CREB3: variants seen among roughly 807,000 people sequenced by gnomAD.
CREB3 encodes the protein cyclic AMP-responsive element-binding protein 3.
In CREB3, 29 loss-of-function variants were observed where a neutral mutation model predicts 34.5. That is an observed-to-expected ratio of 0.84 (90% CI 0.63 to 1.15). The LOEUF is 1.15. Ranked by LOEUF, CREB3 falls within the 50% of genes most tolerant of loss-of-function variation. The pLI is 0.00. For missense variants in CREB3, 447 were observed against 443.4 expected (o/e 1.01, Z -0.07); for synonymous variants, 187 against 173.9 (o/e 1.08, Z -0.59).
rs1018994031 is a variant in CREB3, at chr9:35,736,594, A to T, written c.984A>T (p.Pro328=). 4 of 1,613,994 alleles carry T rather than the reference A, an allele frequency of 2.5e-6. No individual in the cohort carries two copies. The highest frequency in any genetic ancestry group is 1.3e-5 in the African/African-American group (1 of 74,934). ...GTGCAGAGCCTCCCCTGGAGTGGCC[A>T]TTCCCTGACCTCTTCTCAGAGCCTC... ...APSAEPPLEW[P]FPDLFSEPLC... The change falls in exon 9 of 9, where the codon CCA becomes CCT. Residue 328 remains proline (P), a synonymous_variant. Transcript: ENST00000353704.
rs1346081540 is a variant in CREB3 at position 35,732,853 on chromosome 9, C to T, written c.81C>T (p.Pro27=). 1.2e-6 allele frequency: 2 copies of T among 1,614,106 alleles called. No homozygotes were observed. Among genetic ancestry groups the T allele is most frequent in the African/African-American group, 1.3e-5 (1 of 74,938 alleles). The stretch of plus-strand genomic sequence containing the variant: ...AAAGTGGAGATTTGGGGACGGCACC[C>T]GATGAGGCCGTGAGGGCCCCACTGG... ...LEESGDLGTA[P]DEAVRAPLDW... The change falls in exon 1 of 9, where the codon CCC becomes CCT. Residue 27 remains proline (P), a synonymous_variant. Transcript: ENST00000353704. This position sits in a 1 kb window ranked among gnomAD's most constrained non-coding sequence, Gnocchi z 5.1.
chr9:35,736,670 G>T lies in CREB3; in HGVS notation c.1060G>T (p.Gly354Ter), dbSNP rs751805079. Residue 354 changes from glycine to a stop codon, truncating the protein, a stop_gained, in exon 9 of 9, where the codon GGA becomes TGA. Transcript: ENST00000353704. LOFTEE classifies it high-confidence loss of function. ...GCAGGCAAATCTCACAAGGAAGGGA[G>T]GATGGCTTCCTACTGGTAGCCCCTC... is the stretch of plus-strand genomic sequence containing the variant. Reference protein sequence around the residue: ...PLQANLTRKGGWLPTGSPSVI... With the variant: ...PLQANLTRKG 13 of 1,612,812 alleles carry T rather than the reference G, an allele frequency of 8.1e-6. No individual in the cohort carries two copies. In the Admixed American group the frequency reaches 1.8e-4, roughly 23 times the overall value.
At chr9:35,735,052 T>C in intron 4 of CREB3, 57 bp from the exon 5 acceptor site, 1 of 1,445,122 alleles carries the variant, frequency 6.9e-7, no homozygotes, top group Non-Finnish European at 9.5e-7. Context: ...TCAGTTGCGT[T>C]TCAACTCCTT....
rs1470745076 is a variant in CREB3, at chr9:35,736,609, C to G, written c.999C>G (p.Phe333Leu). ...PPLEWPFPDLFSEPLCRGPIL... is the reference protein window; with the variant it reads ...PPLEWPFPDLLSEPLCRGPIL... ...TGGAGTGGCCATTCCCTGACCTCTT[C>G]TCAGAGCCTCTCTGCCGAGGTCCCA... The change falls in exon 9 of 9, where the codon TTC (phenylalanine) becomes TTG (leucine). Residue 333 changes from phenylalanine (F) to leucine (L), a missense_variant. Phe to Leu is a conservative substitution (Grantham distance 22, BLOSUM62 0). Transcript: ENST00000353704. The G allele has an allele frequency of 6.2e-7, 1 of 1,613,898 alleles. No homozygotes were observed. The highest frequency in any genetic ancestry group is 1.3e-5 in the African/African-American group (1 of 74,928).
Position 35,733,463 on chromosome 9 carries a change from C to T in CREB3, c.413C>T (p.Pro138Leu). ...SLLEKEGLIL[P>L]ETLPLTKTEE... ...TTGGAGAAGGAGGGGCTTATTCTGC[C>T]TGAGACACTTCCTCTCACTAAGGTA... is the stretch of plus-strand genomic sequence containing the variant. Residue 138 changes from proline to leucine, a missense_variant, in exon 4 of 9, where the codon CCT (proline) becomes CTT (leucine). By Grantham distance (98) the Pro-to-Leu change is moderately conservative (BLOSUM62 -3). Coordinates refer to ENST00000353704, the MANE Select transcript of CREB3 (RefSeq NM_006368.5). 2 of 1,612,828 alleles carry T rather than the reference C, an allele frequency of 1.2e-6. No individual in the cohort carries two copies. Among genetic ancestry groups the T allele is most frequent in the Non-Finnish European group, 1.7e-6 (2 of 1,178,858 alleles).
Position 35,732,717 on chromosome 9 carries a change from T to C in CREB3, c.-56T>C, listed in dbSNP as rs1160704238. On this transcript the variant is annotated 5_prime_UTR_variant, in exon 1 of 9. Coordinates refer to ENST00000353704, the MANE Select transcript of CREB3 (RefSeq NM_006368.5). This position sits in a 1 kb window ranked among gnomAD's most constrained non-coding sequence, Gnocchi z 5.1. ...AGGCCTACAGCTGGCCTGGGGCTCG[T>C]GTCTGGGCTTCGGACGTTGGGGCCC... is the stretch of plus-strand genomic sequence containing the variant. The C allele has an allele frequency of 6.4e-6, 10 of 1,572,248 alleles. No individual in the cohort carries two copies. The highest frequency in any genetic ancestry group is 2.2e-5 in the East Asian group (1 of 44,722).
chr9:35,732,885 C>T lies in CREB3; in HGVS notation c.113C>T (p.Ala38Val). The T allele has an allele frequency of 6.2e-7, 1 of 1,613,836 alleles. No homozygotes were observed. Residue 38 changes from alanine (A) to valine (V), a missense_variant, in exon 1 of 9, where the codon GCG becomes GTG. Transcript: ENST00000353704. The surrounding 1 kb of genome is among the most constrained non-coding windows in gnomAD (Gnocchi z 5.1). ...GCCGTGAGGGCCCCACTGGACTGGG[C>T]GCTGCCGCTTTCTGAGGTAGGTTGG... is the stretch of plus-strand genomic sequence containing the variant. ...DEAVRAPLDWALPLSEVPSDW... is the reference protein window; with the variant it reads ...DEAVRAPLDWVLPLSEVPSDW...
rs911198300 is a variant in CREB3, at chr9:35,733,079, C to A, written c.213C>A (p.Asn71Lys). ...PASLNILSSS[N>K]PCLVHHDHTY... is the part of the protein sequence containing the mutation. ...CGTTGAACATTCTCAGCTCCTCCAA[C>A]CCCTGCCTTGTCCACCATGACCACA... is the stretch of plus-strand genomic sequence containing the variant. Residue 71 changes from asparagine (N) to lysine (K), a missense_variant, in exon 2 of 9, where the codon AAC becomes AAA. Asn to Lys is a moderately conservative substitution (Grantham distance 94). Transcript: ENST00000353704. The A allele has an allele frequency of 1.9e-6, 3 of 1,614,142 alleles. No homozygotes were observed. Among genetic ancestry groups the A allele is most frequent in the African/African-American group, 2.7e-5 (2 of 74,946 alleles).
Position 35,733,481 on chromosome 9 carries a change from CTAAGG to C in CREB3, c.435+1_435+5del, listed in dbSNP as rs775062889. On this transcript the variant is annotated splice_donor_variant and coding_sequence_variant, in exon 4 of 9. Coordinates refer to ENST00000353704, the MANE Select transcript of CREB3 (RefSeq NM_006368.5). LOFTEE classifies it high-confidence loss of function. ...ATTCTGCCTGAGACACTTCCTCTCA[CTAAGG>C]TAAGACTCTCATTGGTTGAACAAAG... is the stretch of plus-strand genomic sequence containing the variant. 37 of 1,608,798 alleles carry C rather than the reference CTAAGG, an allele frequency of 2.3e-5. No homozygotes were observed. Among genetic ancestry groups the C allele is most frequent in the Non-Finnish European group, 3.4e-6 (4 of 1,175,348 alleles).
Position 35,735,128 on chromosome 9 carries a change from A to T in CREB3, c.455A>T (p.Lys152Ile). 2 of 1,602,078 alleles carry T rather than the reference A, an allele frequency of 1.2e-6. No homozygotes were observed. The highest frequency in any genetic ancestry group is 1.1e-5 in the South Asian group (1 of 87,960). The change falls in exon 5 of 9, where the codon AAA (lysine) becomes ATA (isoleucine). Residue 152 changes from lysine (K) to isoleucine (I), a missense_variant. Transcript: ENST00000353704. The part of the protein sequence containing the change: ...PLTKTEEQIL[K>I]RVRRKIRNKR... ...TTTCAGACAGAGGAACAAATTCTGAAACGTGTGCGGAGGAAGATTCGAAAT... is the reference window on the plus strand; with the variant it reads ...TTTCAGACAGAGGAACAAATTCTGATACGTGTGCGGAGGAAGATTCGAAAT...
Position 35,735,094 on chromosome 9 carries a change from CCT to C in CREB3, c.436-14_436-13del, listed in dbSNP as rs751146394. The C allele has an allele frequency of 3.0e-5, 47 of 1,590,504 alleles. No individual in the cohort carries two copies. In the Admixed American group the frequency reaches 3.8e-4, roughly 13 times the overall value. ...GAGTTCCTCTAATGATATCCCTTTC[CCT>C]GTTTCCTTTCAGACAGAGGAACAAA... On this transcript the variant is annotated splice_polypyrimidine_tract_variant and intron_variant, in intron 4 of 8. Transcript: ENST00000353704.
In CREB3 at chr9:35,736,507, CTG is replaced by C; in HGVS notation, c.901_902del (p.Val301ThrfsTer30). 3.1e-6 allele frequency: 5 copies of C among 1,614,212 alleles called. No homozygotes were observed. Among genetic ancestry groups the C allele is most frequent in the Non-Finnish European group, 4.2e-6 (5 of 1,180,038 alleles). ...STHQWLDGSD[C>X]VLQAPGNTSC... ...CACACCAGTGGTTGGACGGCTCAGA[CTG>C]TGTACTCCAGGCCCCTGGCAACACT... is the stretch of plus-strand genomic sequence containing the variant. On this transcript the variant is annotated frameshift_variant, in exon 9 of 9. Transcript: ENST00000353704. LOFTEE classifies it low-confidence loss of function (END_TRUNC).
At position 35,733,015 on chromosome 9, in the gene CREB3, T is replaced by C; in HGVS notation, c.149T>C (p.Val50Ala). The part of the protein sequence containing the change: ...PLSEVPSDWE[V>A]DDLLCSLLSP... ...GCGCAGGTACCGAGCGACTGGGAAG[T>C]AGATGATTTGCTGTGCTCCCTGCTG... Residue 50 changes from valine to alanine, a missense_variant, in exon 2 of 9, where the codon GTA (valine) becomes GCA (alanine). Coordinates refer to ENST00000353704, the MANE Select transcript of CREB3 (RefSeq NM_006368.5). 1 of 1,614,164 alleles carries C rather than the reference T, an allele frequency of 6.2e-7. No homozygotes were observed. Among genetic ancestry groups the C allele is most frequent in the African/African-American group, 1.3e-5 (1 of 75,034 alleles).
chr9:35,733,001 G>C lies in CREB3; in HGVS notation c.135G>C (p.Pro45=). ...TTCATTGGAACCCTGCGCAGGTACC[G>C]AGCGACTGGGAAGTAGATGATTTGC... ...LDWALPLSEV[P]SDWEVDDLLC... is the part of the protein sequence containing the mutation. Residue 45 remains proline (P), a synonymous_variant, in exon 2 of 9, where the codon CCG becomes CCC. Transcript: ENST00000353704. 6.2e-7 allele frequency: 1 copy of C among 1,614,154 alleles called. No individual in the cohort carries two copies. Among genetic ancestry groups the C allele is most frequent in the Non-Finnish European group, 8.5e-7 (1 of 1,180,018 alleles).
rs1826181096 is a variant in CREB3, at chr9:35,735,381, A to G, written c.611+7A>G. 1 of 1,611,202 alleles carries G rather than the reference A, an allele frequency of 6.2e-7. No individual in the cohort carries two copies. Among genetic ancestry groups the G allele is most frequent in the Non-Finnish European group, 8.5e-7 (1 of 1,177,444 alleles). ...TTCTGGAGGAACAGAATTTGTAAGT[A>G]TCCCTCCAAACCATTCCCTTCCTAT... On this transcript the variant is annotated splice_region_variant and intron_variant, in intron 6 of 8. Transcript: ENST00000353704.
rs372851500 is a variant in CREB3, at chr9:35,733,129, T to C, written c.263T>C (p.Val88Ala). 6.8e-6 allele frequency: 11 copies of C among 1,614,042 alleles called. No individual in the cohort carries two copies. The highest frequency in any genetic ancestry group is 9.3e-6 in the Non-Finnish European group (11 of 1,180,044). ...ACCTACTCCCTCCCACGGGAAACTG[T>C]CTCTATGGATCTAGGTGAGTCTGAA... ...DHTYSLPRETVSMDLESESCR... is the reference protein window; with the variant it reads ...DHTYSLPRETASMDLESESCR... The change falls in exon 2 of 9, where the codon GTC becomes GCC. Residue 88 changes from valine (V) to alanine (A), a missense_variant. Val to Ala is a moderately conservative substitution (Grantham distance 64, BLOSUM62 0). Coordinates refer to ENST00000353704, the MANE Select transcript of CREB3 (RefSeq NM_006368.5).
chr9:35,736,982 A>G lies in CREB3; in HGVS notation c.*256A>G, dbSNP rs111496988. ...AGTCAGGGAACAGGTGAGGAAAGAA[A>G]TAAATAAGTGATTCTAATGCTGCCT... is the stretch of plus-strand genomic sequence containing the variant. On this transcript the variant is annotated 3_prime_UTR_variant, in exon 9 of 9. Transcript: ENST00000353704. 1.1e-6 allele frequency: 1 copy of G among 939,452 alleles called. No homozygotes were observed. The highest frequency in any genetic ancestry group is 1.6e-6 in the Non-Finnish European group (1 of 644,688). 58.2% of individuals were successfully genotyped at this position (939,452 alleles called of 1,614,324 possible).
At position 35,736,695 on chromosome 9, in the gene CREB3, CTG is replaced by C; in HGVS notation, c.1087_1088del (p.Val363HisfsTer48). ...GGATGGCTTCCTACTGGTAGCCCCT[CTG>C]TCATTTTGCAGGACAGATACTCAGG... On this transcript the variant is annotated frameshift_variant, in exon 9 of 9. Transcript: ENST00000353704. LOFTEE classifies it high-confidence loss of function. 6.2e-7 allele frequency: 1 copy of C among 1,610,972 alleles called. No homozygotes were observed. Among genetic ancestry groups the C allele is most frequent in the Non-Finnish European group, 8.5e-7 (1 of 1,179,958 alleles).
Position 35,736,798 on chromosome 9 carries a change from G to T in CREB3, c.*72G>T. 7.1e-7 allele frequency: 1 copy of T among 1,407,928 alleles called. No homozygotes were observed. Among genetic ancestry groups the T allele is most frequent in the South Asian group, 1.3e-5 (1 of 78,502 alleles). 87.2% of individuals were successfully genotyped at this position (1,407,928 alleles called of 1,614,324 possible). ...CATCTGTGTCCAAATAAAAAGCGGT[G>T]GGCAAGGGCTGGCCGCAGCTCCTGT... On this transcript the variant is annotated 3_prime_UTR_variant, in exon 9 of 9. Transcript: ENST00000353704.
Sources: allele counts gnomAD v4.1 joint callset, GRCh38; gene constraint gnomAD v4.1.1; non-coding constraint Gnocchi (gnomAD v3.1); transcripts MANE v1.5; gene names NCBI Gene and HGNC (gene_info 2026-07-23, HGNC 2026-07-21).